Variants in TTC28 observed in about 807,000 individuals in gnomAD.
TTC28 encodes tetratricopeptide repeat domain 28.
TTC28 carries 61 observed loss-of-function variants against 198.0 expected under a neutral mutation model. The observed-to-expected ratio is 0.31, with a 90% CI of 0.25 to 0.38. The LOEUF is 0.38. Ranked by LOEUF, TTC28 falls within the 10% of genes least tolerant of loss-of-function variation. The probability of loss-of-function intolerance (pLI) is 1.00; values close to 1 mark genes in which losing one functional copy is unlikely to be tolerated. For missense variants in TTC28, 2,678 were observed against 3,164.0 expected, an observed-to-expected ratio of 0.85 and a Z score of 3.69; for synonymous variants, 1,171 against 1,297.8, an observed-to-expected ratio of 0.90 and a Z score of 2.10.
At chr22:28,648,664 T>C (rs1367778573) in intron 1 of TTC28, among the ~76,000 whole-genome samples, 2 of 152,210 alleles carry the variant, frequency 1.3e-5, no homozygotes, top group East Asian at 3.9e-4. Flanking sequence ...ATTCCAGCAC[T>C]TTGGAAGGCC....
chr22:28,395,450 G>A (rs538459853), intron 2 of TTC28, among the ~76,000 whole-genome samples: 2 of 151,938 alleles, frequency 1.3e-5, no homozygotes, highest in Admixed American at 6.6e-5. Context: ...TGGCTAACGC[G>A]GTAAAACCCC....
At chr22:28,569,477 A>G (rs903960321) in intron 2 of TTC28, among the ~76,000 whole-genome samples, 1 of 152,198 alleles carries the variant, frequency 6.6e-6, no homozygotes, top group African/African-American at 2.4e-5. Context: ...TATTCAATAA[A>G]TGGTGCTACA....
chr22:28,091,744 G>A (rs1484369602), intron 12 of TTC28, among the ~76,000 whole-genome samples: 3 of 152,064 alleles, frequency 2.0e-5, no homozygotes, highest in African/African-American at 4.8e-5. Context: ...TAGAGATTAC[G>A]GATCCTGATG....
intron 5 of TTC28, among the ~76,000 whole-genome samples, chr22:28,203,576 T>C (rs1403893709): frequency 6.6e-6 from 1 of 152,136 alleles, no homozygotes; most frequent in Non-Finnish European, 1.5e-5. Context: ...GGCTTTTTTA[T>C]TTTCATAGCA....
chr22:28,320,313 T>C (rs890081328), intron 2 of TTC28, among the ~76,000 whole-genome samples: 3 of 151,302 alleles, frequency 2.0e-5, no homozygotes, highest in Non-Finnish European at 4.4e-5. Context: ...ACTACACCCA[T>C]AGAATGAAGG....
Position 28,107,111 on chromosome 22 carries a change from G to T in TTC28, c.2734C>A (p.Arg912Ser). ...QYLSVAQSLN[R>S]MQDQAKAYRG... The stretch of plus-strand genomic sequence containing the variant: ...TAAGCCTTGGCTTGGTCTTGCATGC[G>T]ATTCAGACTCTGCGCGACAGATAAA... The change falls in exon 7 of 23, where the codon CGC becomes AGC. Residue 912 changes from arginine (R) to serine (S), a missense_variant. Arg to Ser is a moderately radical substitution (Grantham distance 110, BLOSUM62 -1). Coordinates refer to ENST00000397906, the MANE Select transcript of TTC28 (RefSeq NM_001145418.2). The T allele has an allele frequency of 6.4e-7, 1 of 1,551,622 alleles. No homozygotes were observed. The highest frequency in any genetic ancestry group is 8.7e-7 in the Non-Finnish European group (1 of 1,146,976).
At chr22:28,336,287 G>A (rs2045717043) in intron 2 of TTC28, among the ~76,000 whole-genome samples, 1 of 152,090 alleles carries the variant, frequency 6.6e-6, no homozygotes. Flanking sequence ...CAGGGATATT[G>A]GTCTAAAATT....
chr22:28,650,657 T>G (rs1342131119), intron 1 of TTC28, among the ~76,000 whole-genome samples: 2 of 152,198 alleles, frequency 1.3e-5, no homozygotes, highest in African/African-American at 4.8e-5. Context: ...ATATAACTAT[T>G]TTCAGCATCA....
chr22:28,629,722 C>G lies in TTC28; in HGVS notation c.211G>C (p.Asp71His), dbSNP rs1344847557. The part of the protein sequence containing the change: ...KVRQSNQACH[D>H]GDFHTAIVLY... ...ACAATAGCTGTGTGGAAATCTCCAT[C>G]ATGACAGGCCTGATTACTCTGACGA... Residue 71 changes from aspartate (D) to histidine (H), a missense_variant, in exon 2 of 23, where the codon GAT becomes CAT. By Grantham distance (81) the Asp-to-His change is moderately conservative. Around this residue, in one of 8 missense-constraint regions of TTC28, gnomAD observed 176 missense variants for 197.9 expected, o/e 0.89. Transcript: ENST00000397906. 1 of 1,551,696 alleles carries G rather than the reference C, an allele frequency of 6.4e-7. No homozygotes were observed. Among genetic ancestry groups the G allele is most frequent in the Admixed American group, 2.0e-5 (1 of 50,988 alleles).
chr22:28,257,170 G>C (rs1026406807), intron 5 of TTC28, among the ~76,000 whole-genome samples: 3 of 152,168 alleles, frequency 2.0e-5, no homozygotes, highest in African/African-American at 4.8e-5. Flanking sequence ...AGTAAGTACA[G>C]CTACTTTGGG....
intron 5 of TTC28, among the ~76,000 whole-genome samples, chr22:28,168,340 C>A (rs1922259803): frequency 6.6e-6 from 1 of 152,100 alleles, no homozygotes; most frequent in South Asian, 2.1e-4. Flanking sequence ...TCATATGGAA[C>A]CAAAAAAGAG....
intron 5 of TTC28, among the ~76,000 whole-genome samples, chr22:28,171,518 T>C (rs1274984087): frequency 1.3e-5 from 2 of 151,828 alleles, no homozygotes; most frequent in Non-Finnish European, 2.9e-5. Context: ...ATTTTATAGA[T>C]ATGAGTGATT....
At chr22:28,219,909 C>T (rs899295244) in intron 5 of TTC28, among the ~76,000 whole-genome samples, 3 of 152,170 alleles carry the variant, frequency 2.0e-5, no homozygotes, top group Non-Finnish European at 4.4e-5. Flanking sequence ...ACCACTGACA[C>T]CTTTTGAACA....
At position 28,404,113 on chromosome 22, in the gene TTC28, TTTTG is replaced by T. The variant is rs921526846; in HGVS notation, c.382-97474_382-97471del. Among the ~76,000 whole-genome samples the T allele has an allele frequency of 1.2e-4, 19 of 152,170 alleles. No individual in the cohort carries two copies. The East Asian group carries it at 1.7e-3, about 14-fold the overall frequency. On this transcript the variant is annotated intron_variant, in intron 2 of 22. Transcript: ENST00000397906. Reference sequence around the variant, plus strand: ...AAAATTTTTAACTAGAATATATGTTTTTTGTTTGTTTGTTTGTTTTTTGTGAGAC... The same window carrying T: ...AAAATTTTTAACTAGAATATATGTTTTTTGTTTGTTTGTTTTTTGTGAGAC...
intron 5 of TTC28, among the ~76,000 whole-genome samples, chr22:28,198,870 A>C (rs2147147087): frequency 6.6e-6 from 1 of 152,266 alleles, no homozygotes; most frequent in African/African-American, 2.4e-5. Context: ...AGCAAAAATC[A>C]CTTCCACTTA....
intron 2 of TTC28, among the ~76,000 whole-genome samples, chr22:28,499,498 C>T (rs1437359682): frequency 1.3e-5 from 2 of 151,852 alleles, no homozygotes; most frequent in African/African-American, 4.8e-5. Context: ...ATTTCTATTA[C>T]AATAAGAAAA....
intron 5 of TTC28, among the ~76,000 whole-genome samples, chr22:28,267,379 G>T (rs765877985): frequency 2.0e-5 from 3 of 152,116 alleles, no homozygotes; most frequent in Admixed American, 6.6e-5. Flanking sequence ...TTATAAGCTG[G>T]TAAATCTATT....
At chr22:28,675,606 A>C (rs2051969843) in intron 1 of TTC28, among the ~76,000 whole-genome samples, 1 of 151,594 alleles carries the variant, frequency 6.6e-6, no homozygotes, top group African/African-American at 2.4e-5. Flanking sequence ...ACAAAAATTA[A>C]CCGTGCCTGT....
chr22:28,647,770 C>T (rs1165713605), intron 1 of TTC28, among the ~76,000 whole-genome samples: 1 of 151,358 alleles, frequency 6.6e-6, no homozygotes, highest in Non-Finnish European at 1.5e-5. Context: ...ACCTGGGAGG[C>T]GAAGCTTGCA....
Sources: allele counts gnomAD v4.1 joint callset (sites outside exome capture counted in the v4.1 genomes callset), GRCh38; gene constraint gnomAD v4.1.1; regional missense constraint gnomAD v4.1.1; transcripts MANE v1.5; gene names NCBI Gene and HGNC (gene_info 2026-07-23, HGNC 2026-07-21).